The following INSR variants were observed in gnomAD, a reference collection of about 807,000 sequenced individuals.
INSR encodes insulin receptor, also known as IR.
A neutral mutation model predicts 142.6 loss-of-function variants in INSR; 67 were observed. The ratio of observed to expected loss-of-function variants is 0.47; its 90% CI spans 0.39 to 0.58. The LOEUF (loss-of-function observed/expected upper bound fraction) is 0.58, where lower values mean the gene tolerates loss of function less well. Among genes scored for constraint, INSR ranks in the 20% least tolerant of loss-of-function variants. INSR has a pLI of 0.00. For synonymous variants in INSR, 756 were observed against 743.1 expected, an observed-to-expected ratio of 1.02 and a Z score of -0.28; for missense variants, 1,248 against 1,833.2, an observed-to-expected ratio of 0.68 and a Z score of 5.83.
At chr19:7,280,326 T>A (rs1469114790) in intron 1 of INSR, among the ~76,000 whole-genome samples, 1 of 147,792 alleles carries the variant, frequency 6.8e-6, no homozygotes, top group Non-Finnish European at 1.5e-5. Context: ...CGCCTGTAAT[T>A]CCAGCACTTT....
rs1973994728 is a variant in INSR, at chr19:7,170,575, T to C, written c.1445A>G (p.Asn482Ser). 1.2e-6 allele frequency: 2 copies of C among 1,613,346 alleles called. No individual in the cohort carries two copies. The highest frequency in any genetic ancestry group is 2.2e-5 in the East Asian group (1 of 44,872). The change falls in exon 6 of 22, where the codon AAC (asparagine) becomes AGC (serine). Residue 482 changes from asparagine to serine, a missense_variant. Transcript: ENST00000302850. The stretch of plus-strand genomic sequence containing the variant: ...CCCATTGGTCTTCAGGGCAATGTCG[T>C]TTCTCTCCTGGCGCCCCTTGGTTCC... ...VSGTKGRQER[N>S]DIALKTNGDQ...
chr19:7,196,642 G>A (rs1974755253), intron 2 of INSR, among the ~76,000 whole-genome samples: 1 of 151,916 alleles, frequency 6.6e-6, no homozygotes, highest in East Asian at 1.9e-4. Flanking sequence ...AAACAAAACA[G>A]AAAATACAGA....
intron 9 of INSR, among the ~76,000 whole-genome samples, chr19:7,154,689 C>T (rs1326809218): frequency 6.6e-6 from 1 of 151,282 alleles, no homozygotes; most frequent in African/African-American, 2.4e-5. Flanking sequence ...TTTGGGAGGC[C>T]GAGGCGGGCA....
At chr19:7,134,327 C>G (rs1972856120) in intron 13 of INSR, among the ~76,000 whole-genome samples, 1 of 152,216 alleles carries the variant, frequency 6.6e-6, no homozygotes, top group Non-Finnish European at 1.5e-5. Context: ...AGGGCCTATG[C>G]CAGATTTCCT....
chr19:7,129,441 C>T (rs1972725102), intron 14 of INSR, among the ~76,000 whole-genome samples: 1 of 152,318 alleles, frequency 6.6e-6, no homozygotes, highest in South Asian at 2.1e-4. Context: ...TCTCCTGCCT[C>T]AGCCTCCCAA....
chr19:7,174,874 G>T (rs749720666), intron 3 of INSR, 143 bp from the exon 4 acceptor site: 2 of 868,680 alleles, frequency 2.3e-6, no homozygotes, highest in Non-Finnish European at 3.5e-6. Context: ...ACAGAGTCTC[G>T]CTCTGTTGCC....
At chr19:7,219,970 T>C (rs1410084889) in intron 2 of INSR, among the ~76,000 whole-genome samples, 1 of 152,154 alleles carries the variant, frequency 6.6e-6, no homozygotes, top group Non-Finnish European at 1.5e-5. Context: ...TTATGGAACC[T>C]TCTGGGGTCA....
At chr19:7,151,682 C>G (rs1599910717) in intron 10 of INSR, among the ~76,000 whole-genome samples, 1 of 141,410 alleles carries the variant, frequency 7.1e-6, no homozygotes, top group African/African-American at 2.7e-5. Flanking sequence ...GGGAAACATG[C>G]AACAAAAAAA....
chr19:7,141,640 A>C, intron 13 of INSR, 37 bp downstream of exon 13: 1 of 1,613,364 alleles, frequency 6.2e-7, no homozygotes, highest in Non-Finnish European at 8.5e-7. Context: ...GGCATGCTGA[A>C]GTGTGCAGGG....
At position 7,197,575 on chromosome 19, in the gene INSR, T is replaced by TGG. The variant is rs1974798389; in HGVS notation, c.653-12940_653-12939dup. Among the ~76,000 whole-genome samples the TGG allele has an allele frequency of 1.1e-4, 5 of 45,192 alleles. 1 individual carries two copies. The highest frequency in any genetic ancestry group is 5.2e-4 in the African/African-American group (5 of 9,568). 29.6% of individuals were successfully genotyped at this position (45,192 alleles called of 152,430 possible). A position where few individuals can be genotyped will look rare whatever the true frequency, so the allele number is the denominator to read the frequency against. On this transcript the variant is annotated intron_variant, in intron 2 of 21. Transcript: ENST00000302850. ...GTTCCAGAGTGGGAGTGTGTGTGTTTGGGTGTGTGTGTGTGTGTGTGTGTC... is the reference window on the plus strand; with the variant it reads ...GTTCCAGAGTGGGAGTGTGTGTGTTTGGGGGTGTGTGTGTGTGTGTGTGTGTC...
intron 2 of INSR, 38 bp from the exon 3 acceptor site, chr19:7,184,675 TAAA>T (rs1974380046): frequency 9.8e-7 from 1 of 1,021,936 alleles, no homozygotes; most frequent in African/African-American, 2.0e-5. Flanking sequence ...AATAAATAAA[TAAA>T]TAAATAAATA....
At chr19:7,226,413 GAAA>G (rs71177176) in intron 2 of INSR, among the ~76,000 whole-genome samples, 2,416 of 89,642 alleles carry the variant, frequency 0.027, 77 homozygotes, top group African/African-American at 0.091. Flanking sequence ...CGTCTCAAGG[GAAA>G]AAAAAAAAAA....
intron 3 of INSR, among the ~76,000 whole-genome samples, chr19:7,179,020 C>T (rs944762013): frequency 2.0e-5 from 3 of 152,220 alleles, no homozygotes; most frequent in Non-Finnish European, 4.4e-5. Flanking sequence ...AAGCGATCCT[C>T]CTGCTTAAGC....
intron 2 of INSR, among the ~76,000 whole-genome samples, chr19:7,245,160 T>G (rs1374765342): frequency 1.3e-5 from 2 of 151,846 alleles, no homozygotes; most frequent in African/African-American, 2.4e-5. Context: ...ATGGTCTCGA[T>G]CTCCTGACCT....
intron 1 of INSR, among the ~76,000 whole-genome samples, chr19:7,288,261 G>A (rs565891270): frequency 4.1e-4 from 62 of 151,930 alleles, no homozygotes; most frequent in South Asian, 1.9e-3. Flanking sequence ...AGGTACCCAG[G>A]AGGCGGAGGC....
At chr19:7,174,452 C>G in intron 4 of INSR, 131 bp downstream of exon 4, 1 of 961,344 alleles carries the variant, frequency 1.0e-6, no homozygotes, top group Non-Finnish European at 1.7e-6. Context: ...CATGGGGGAG[C>G]CACTGAACGA....
intron 11 of INSR, among the ~76,000 whole-genome samples, chr19:7,148,477 C>CT (rs71177160): frequency 0.031 from 2,900 of 94,842 alleles, 461 homozygotes; most frequent in African/African-American, 0.12. Flanking sequence ...TGTATTTATT[C>CT]TTTTTTTTTT....
At chr19:7,172,224 A>C in intron 5 of INSR, 66 bp downstream of exon 5, 1 of 1,587,914 alleles carries the variant, frequency 6.3e-7, no homozygotes, top group Non-Finnish European at 8.6e-7. Context: ...AAAAATCCTT[A>C]AGTTGTTCTA....
intron 7 of INSR, among the ~76,000 whole-genome samples, chr19:7,167,017 T>C (rs945526719): frequency 6.6e-6 from 1 of 152,214 alleles, no homozygotes; most frequent in Non-Finnish European, 1.5e-5. Context: ...ATTTTACTAG[T>C]TAATTTGCAT....
Sources: gnomAD v4.1 joint callset for allele counts (sites outside exome capture counted in the v4.1 genomes callset) on GRCh38, gnomAD v4.1.1 for gene constraint, MANE v1.5 for transcripts, NCBI Gene and HGNC (gene_info 2026-07-23, HGNC 2026-07-21) for gene names.